Variants in TULP3 observed in about 807,000 individuals in gnomAD.
The protein encoded by TULP3 is tubby-related protein 3.
Under a neutral mutation model 50.7 loss-of-function variants are expected in TULP3, and 38 were observed. The ratio of observed to expected loss-of-function variants is 0.75; its 90% CI spans 0.58 to 0.98. The LOEUF is 0.98. Ranked by LOEUF, TULP3 falls within the 50% of genes least tolerant of loss-of-function variation. TULP3 has a pLI of 0.00. For missense variants in TULP3, 550 were observed against 568.0 expected (o/e 0.97, Z 0.32); for synonymous variants, 183 against 196.6 (o/e 0.93, Z 0.58).
chr12:2,934,829 C>A (rs2098200143), intron 8 of TULP3, among the ~76,000 whole-genome samples: 1 of 152,076 alleles, frequency 6.6e-6, no homozygotes. Context: ...ACCCAGTGGC[C>A]AAAGGTTACA....
Position 2,932,950 on chromosome 12 carries a change from A to AT in TULP3, c.697-458dup, listed in dbSNP as rs1290403760. 2.1e-3 allele frequency among the ~76,000 whole-genome samples: 309 copies of AT among 148,910 alleles called. 1 individual carries two copies. Among genetic ancestry groups the AT allele is most frequent in the African/African-American group, 6.9e-3 (282 of 40,668 alleles). The stretch of plus-strand genomic sequence containing the variant: ...GTGAATTATTTTATTTTTATTTTTT[A>AT]TTTTTTTTTTGAGACAGAGTCTCAT... On this transcript the variant is annotated intron_variant, in intron 6 of 10. Transcript: ENST00000448120.
chr12:2,911,503 C>A (rs1302245991), intron 2 of TULP3, among the ~76,000 whole-genome samples: 1 of 149,672 alleles, frequency 6.7e-6, no homozygotes, highest in Non-Finnish European at 1.5e-5. Context: ...CAGGCGCCTG[C>A]CACCACGCCA....
At chr12:2,896,613 T>C (rs1482193915) in intron 1 of TULP3, among the ~76,000 whole-genome samples, 1 of 152,172 alleles carries the variant, frequency 6.6e-6, no homozygotes, top group Non-Finnish European at 1.5e-5. Context: ...AAAATAAGGC[T>C]GTAACAAAGC....
Position 2,940,345 on chromosome 12 carries a change from A to T in TULP3, c.*901A>T. ...TTAAAAAAAAAAAAAAAAAGGTGGC[A>T]GGAGAGGCTTTGGGGAGGATCAGCC... On this transcript the variant is annotated 3_prime_UTR_variant, in exon 11 of 11. Transcript: ENST00000448120. 1.4e-6 allele frequency: 2 copies of T among 1,447,164 alleles called. No individual in the cohort carries two copies. Among genetic ancestry groups the T allele is most frequent in the Non-Finnish European group, 1.8e-6 (2 of 1,104,096 alleles). The allele number at this position is 1,447,164 out of a possible 1,614,324, so 89.6% of individuals were successfully genotyped here.
chr12:2,917,997 G>A (rs1009890038), intron 2 of TULP3, among the ~76,000 whole-genome samples: 43 of 152,194 alleles, frequency 2.8e-4, no homozygotes, highest in African/African-American at 9.6e-4. Context: ...GCTGAGTCAG[G>A]AGAATTGCTT....
intron 3 of TULP3, among the ~76,000 whole-genome samples, chr12:2,921,514 C>T (rs528922740): frequency 3.3e-5 from 5 of 152,210 alleles, no homozygotes; most frequent in African/African-American, 4.8e-5. Context: ...ATTGTTAAAT[C>T]GTGGCAGAGG....
At chr12:2,930,383 T>C (rs373479214) in intron 5 of TULP3, 38 bp downstream of exon 5, 1 of 1,334,164 alleles carries the variant, frequency 7.5e-7, no homozygotes, top group East Asian at 2.4e-5. Context: ...AGAGCTAATT[T>C]GACTCTTTCT....
chr12:2,897,836 T>C (rs934154319), intron 1 of TULP3, among the ~76,000 whole-genome samples: 1 of 150,720 alleles, frequency 6.6e-6, no homozygotes, highest in Non-Finnish European at 1.5e-5. Context: ...CCCAGCACTT[T>C]GGGAGGGCAA....
intron 4 of TULP3, 140 bp from the exon 5 acceptor site, chr12:2,930,108 T>C (rs2098197064): frequency 1.6e-6 from 1 of 608,218 alleles, no homozygotes; most frequent in African/African-American, 1.9e-5. Context: ...TTTGCCTGTT[T>C]TATGTATTTG....
At chr12:2,899,684 A>G (rs533758430) in intron 1 of TULP3, among the ~76,000 whole-genome samples, 14 of 152,134 alleles carry the variant, frequency 9.2e-5, no homozygotes, top group East Asian at 1.9e-4. Context: ...ACGAGGTCAG[A>G]AGTTCGAGAC....
chr12:2,902,552 T>C (rs2098179859), intron 1 of TULP3, among the ~76,000 whole-genome samples: 2 of 152,166 alleles, frequency 1.3e-5, no homozygotes, highest in African/African-American at 4.8e-5. Flanking sequence ...TTAGTGGCAA[T>C]AGATTTTGTG....
At chr12:2,921,055 A>G (rs1347626080) in intron 3 of TULP3, 133 bp downstream of exon 3, 1 of 1,077,912 alleles carries the variant, frequency 9.3e-7, no homozygotes, top group South Asian at 1.6e-5. Context: ...AATCTTTATA[A>G]TCACATTTGG....
At chr12:2,938,467 G>T (rs1208548473) in intron 10 of TULP3, among the ~76,000 whole-genome samples, 182 bp downstream of exon 10, 2 of 152,144 alleles carry the variant, frequency 1.3e-5, no homozygotes, top group African/African-American at 4.8e-5. Context: ...CTGTGTTGAG[G>T]AGGGGAGAGG....
chr12:2,907,703 C>T (rs914318715), intron 1 of TULP3, among the ~76,000 whole-genome samples: 3 of 138,828 alleles, frequency 2.2e-5, no homozygotes, highest in African/African-American at 5.7e-5. Context: ...AATGTTCTAG[C>T]ACTCTAGTTT....
Position 2,895,448 on chromosome 12 carries a change from C to T in TULP3, c.41+4460C>T, listed in dbSNP as rs143736685. On this transcript the variant is annotated intron_variant, in intron 1 of 10. Transcript: ENST00000448120. ...AGATGTCAAAGGAATTCTTTTCTGA[C>T]ACTTCTCATATGACCTTTATGTGTC... 6.3e-4 allele frequency among the ~76,000 whole-genome samples: 96 copies of T among 152,314 alleles called. 1 individual carries two copies. The East Asian group carries it at 0.017, about 27-fold the overall frequency.
intron 8 of TULP3, 82 bp downstream of exon 8, chr12:2,934,643 C>A: frequency 1.3e-6 from 1 of 758,666 alleles, no homozygotes; most frequent in Non-Finnish European, 2.0e-6. Flanking sequence ...TGAAGAACCT[C>A]CCCTCCCAAG....
chr12:2,907,331 C>T (rs1454422397), intron 1 of TULP3, among the ~76,000 whole-genome samples: 1 of 151,998 alleles, frequency 6.6e-6, no homozygotes, highest in African/African-American at 2.4e-5. Flanking sequence ...AAAAATTAGC[C>T]CGGTGTAGCA....
intron 2 of TULP3, among the ~76,000 whole-genome samples, chr12:2,919,541 A>C (rs1231070880): frequency 6.6e-6 from 1 of 152,160 alleles, no homozygotes; most frequent in African/African-American, 2.4e-5. Flanking sequence ...TATCGATGGA[A>C]AAAAGTAAAC....
intron 1 of TULP3, among the ~76,000 whole-genome samples, chr12:2,891,516 C>G (rs2098172047): frequency 6.6e-6 from 1 of 152,182 alleles, no homozygotes; most frequent in African/African-American, 2.4e-5. Flanking sequence ...GTCCCTGATT[C>G]GGGATGGTCT....
Sources: allele counts gnomAD v4.1 joint callset (sites outside exome capture counted in the v4.1 genomes callset), GRCh38; gene constraint gnomAD v4.1.1; transcripts MANE v1.5; gene names NCBI Gene and HGNC (gene_info 2026-07-23, HGNC 2026-07-21).